The following DAGLA variants were observed in gnomAD, a reference collection of about 807,000 sequenced individuals.
DAGLA encodes diacylglycerol lipase-alpha.
In DAGLA, 22 loss-of-function variants were observed where a neutral mutation model predicts 102.6. The ratio of observed to expected loss-of-function variants is 0.21; its 90% CI spans 0.15 to 0.31. The LOEUF (loss-of-function observed/expected upper bound fraction) is 0.31, where lower values mean the gene tolerates loss of function less well. Among genes scored for constraint, DAGLA ranks in the 10% least tolerant of loss-of-function variants. The probability of loss-of-function intolerance (pLI) is 1.00; values close to 1 mark genes in which losing one functional copy is unlikely to be tolerated. For missense variants in DAGLA, 927 were observed against 1,446.6 expected, an observed-to-expected ratio of 0.64 and a Z score of 5.83; for synonymous variants, 578 against 628.9, an observed-to-expected ratio of 0.92 and a Z score of 1.21.
chr11:61,720,931 C>T lies in DAGLA; in HGVS notation c.307+41C>T, dbSNP rs1209334669. On this transcript the variant is annotated intron_variant, in intron 3 of 19. Transcript: ENST00000257215. ...CCTGGGGTGCTGCCCCAGACAACTC[C>T]CACCTCTCCATTCACTCAGCCAGTA... 4.5e-6 allele frequency: 7 copies of T among 1,569,392 alleles called. No homozygotes were observed. The Admixed American group carries it at 1.2e-4, about 26-fold the overall frequency.
chr11:61,714,862 ATCC>A (rs776536196), intron 1 of DAGLA, among the ~76,000 whole-genome samples: 4 of 152,102 alleles, frequency 2.6e-5, no homozygotes, highest in Non-Finnish European at 5.9e-5. Context: ...TGGCCTCTTG[ATCC>A]TCGGATGGTG....
chr11:61,694,681 T>G (rs1412831222), intron 1 of DAGLA, among the ~76,000 whole-genome samples: 1 of 152,252 alleles, frequency 6.6e-6, no homozygotes, highest in Admixed American at 6.5e-5. Context: ...CCCTTTGAGC[T>G]GCTGTTTTCC....
chr11:61,726,110 G>C (rs1421834390), intron 6 of DAGLA, 28 bp downstream of exon 6: 2 of 1,597,294 alleles, frequency 1.3e-6, no homozygotes, highest in East Asian at 4.5e-5. Context: ...GCTCCCCTCT[G>C]GCTCACATCC....
intron 1 of DAGLA, 27 bp from the exon 2 acceptor site, chr11:61,720,085 G>C (rs2065269140): frequency 6.5e-7 from 1 of 1,537,532 alleles, no homozygotes; most frequent in Non-Finnish European, 8.9e-7. Flanking sequence ...TCCTCAGGCA[G>C]CTATAAGGTC....
At chr11:61,691,960 G>A (rs1173865850) in intron 1 of DAGLA, among the ~76,000 whole-genome samples, 1 of 152,188 alleles carries the variant, frequency 6.6e-6, no homozygotes, top group Non-Finnish European at 1.5e-5. Flanking sequence ...TTCTTTGATG[G>A]GCACACAGAT....
chr11:61,692,399 A>G (rs1368510103), intron 1 of DAGLA, among the ~76,000 whole-genome samples: 2 of 150,462 alleles, frequency 1.3e-5, no homozygotes, highest in East Asian at 2.0e-4. Context: ...CCAGCCTCAG[A>G]GTCTCCTGGG....
intron 1 of DAGLA, among the ~76,000 whole-genome samples, chr11:61,707,991 GTATTTATT>G (rs200842768): frequency 1.2e-4 from 18 of 146,976 alleles, no homozygotes; most frequent in African/African-American, 2.2e-4. Flanking sequence ...ATTTATTTAT[GTATTTATT>G]TATTTATTTA....
At chr11:61,735,980 GC>G (rs1288966503) in intron 12 of DAGLA, among the ~76,000 whole-genome samples, 164 bp downstream of exon 12, 6 of 152,168 alleles carry the variant, frequency 3.9e-5, no homozygotes, top group South Asian at 4.1e-4. Flanking sequence ...GCCCACTGCT[GC>G]GACCCCACTG....
intron 5 of DAGLA, among the ~76,000 whole-genome samples, chr11:61,725,191 C>T (rs1207687197): frequency 6.6e-6 from 1 of 152,198 alleles, no homozygotes; most frequent in Non-Finnish European, 1.5e-5. Context: ...GAGGTCTGCA[C>T]TTTTAATGTT....
chr11:61,696,391 GCCGT>G (rs1565247924), intron 1 of DAGLA, among the ~76,000 whole-genome samples: 1 of 152,102 alleles, frequency 6.6e-6, no homozygotes, highest in African/African-American at 2.4e-5. Context: ...CTGACGCCCA[GCCGT>G]CCGTCCGTCA....
At chr11:61,685,003 C>T (rs1332220685) in intron 1 of DAGLA, among the ~76,000 whole-genome samples, 3 of 152,136 alleles carry the variant, frequency 2.0e-5, no homozygotes, top group African/African-American at 7.2e-5. Flanking sequence ...GGCTCTCACA[C>T]ACCCTTCTGT....
At position 61,746,867 on chromosome 11, in the gene DAGLA, TAATG is replaced by T. The variant is rs2065545718; in HGVS notation, c.*2379_*2382del. On this transcript the variant is annotated 3_prime_UTR_variant, in exon 20 of 20. Transcript: ENST00000257215. ...ATTCTCCCCAGACTTTTTTTGTACT[TAATG>T]TATGAAAGATCCAAACTAATATTGC... 2 of 152,606 alleles carry T rather than the reference TAATG, an allele frequency of 1.3e-5. No individual in the cohort carries two copies. Among genetic ancestry groups the T allele is most frequent in the Admixed American group, 1.3e-4 (2 of 15,288 alleles). The allele number at this position is 152,606 out of a possible 1,614,324, so 9.5% of individuals were successfully genotyped here.
At chr11:61,720,062 G>A in intron 1 of DAGLA, 50 bp from the exon 2 acceptor site, 3 of 1,300,886 alleles carry the variant, frequency 2.3e-6, no homozygotes, top group South Asian at 2.4e-5. Context: ...CAGTGGCCCT[G>A]GGTGCCTTCA....
intron 8 of DAGLA, among the ~76,000 whole-genome samples, chr11:61,730,791 G>A (rs964657408): frequency 9.9e-5 from 15 of 152,226 alleles, no homozygotes; most frequent in Admixed American, 9.2e-4. Context: ...CAAGTTGAAG[G>A]CTCCCAATAT....
chr11:61,716,045 G>C (rs948943430), intron 1 of DAGLA, among the ~76,000 whole-genome samples: 3 of 152,202 alleles, frequency 2.0e-5, no homozygotes, highest in African/African-American at 7.2e-5. Context: ...AGGGAAGGGT[G>C]TGAGCTCAGA....
chr11:61,729,470 CACAGCCCAGGGCCCAGT>C (rs577464780), intron 8 of DAGLA, among the ~76,000 whole-genome samples: 99 of 152,128 alleles, frequency 6.5e-4, no homozygotes, highest in East Asian at 1.7e-3. Flanking sequence ...GGGCCCAGCA[CACAGCCCAGGGCCCAGT>C]ACAGCCCAGG....
rs1304132554 is a variant in DAGLA at position 61,684,826 on chromosome 11, G to T, written c.-45+4322G>T. ...GGTGTTGGTGGGTGTGCGGAGCTGG[G>T]GGTTGCCGGGCTCTTCACAGCAGGA... On this transcript the variant is annotated intron_variant, in intron 1 of 19. Transcript: ENST00000257215. The surrounding 1 kb of genome is among the most constrained non-coding windows in gnomAD (Gnocchi z 4.5). 6.6e-6 allele frequency among the ~76,000 whole-genome samples: 1 copy of T among 152,092 alleles called. No homozygotes were observed. The highest frequency in any genetic ancestry group is 2.4e-5 in the African/African-American group (1 of 41,394).
intron 1 of DAGLA, among the ~76,000 whole-genome samples, chr11:61,708,957 G>T (rs1397532441): frequency 6.6e-6 from 1 of 152,194 alleles, no homozygotes; most frequent in Non-Finnish European, 1.5e-5. Context: ...GATGGGAGGG[G>T]ATAGGGAGGT....
chr11:61,705,581 G>A (rs145445365), intron 1 of DAGLA, among the ~76,000 whole-genome samples: 100 of 152,300 alleles, frequency 6.6e-4, no homozygotes, highest in African/African-American at 2.3e-3. Context: ...CAGCCTCCCC[G>A]CCTGAGCACG....
Sources: allele counts gnomAD v4.1 joint callset (sites outside exome capture counted in the v4.1 genomes callset), GRCh38; gene constraint gnomAD v4.1.1; non-coding constraint Gnocchi (gnomAD v3.1); transcripts MANE v1.5; gene names NCBI Gene and HGNC (gene_info 2026-07-23, HGNC 2026-07-21).